SERPINF1: variants seen among roughly 807,000 people sequenced by gnomAD.
The protein encoded by SERPINF1 is pigment epithelium-derived factor.
Under a neutral mutation model 37.3 loss-of-function variants are expected in SERPINF1, and 29 were observed. The observed-to-expected ratio is 0.78, with a 90% CI of 0.58 to 1.06. The LOEUF (loss-of-function observed/expected upper bound fraction) is 1.06, where lower values mean the gene tolerates loss of function less well. SERPINF1 is among the 50% of genes least tolerant of loss of function. The pLI is 0.00. For missense variants in SERPINF1, 553 were observed against 532.2 expected, an observed-to-expected ratio of 1.04 and a Z score of -0.38; for synonymous variants, 281 against 227.9, an observed-to-expected ratio of 1.23 and a Z score of -2.10.
rs1039835757 is a variant in SERPINF1, at chr17:1,766,981, G to A, written c.71G>A (p.Ser24Asn). 3.9e-6 allele frequency: 6 copies of A among 1,555,374 alleles called. No homozygotes were observed. The Admixed American group carries it at 9.7e-5, about 25-fold the overall frequency. Residue 24 changes from serine to asparagine, a missense_variant, in exon 2 of 8, where the codon AGC (serine) becomes AAC (asparagine). Transcript: ENST00000254722. ...LGHSSCQNPASPPEEGSPDPD... is the reference protein window; with the variant it reads ...LGHSSCQNPANPPEEGSPDPD... ...CACAGCAGCTGCCAGAACCCTGCCA[G>A]CCCCCCGGAGGAGGTCAGTAGGCAG...
chr17:1,770,190 C>A (rs1907642483), intron 3 of SERPINF1, 140 bp downstream of exon 3: 2 of 918,008 alleles, frequency 2.2e-6, no homozygotes, highest in East Asian at 2.6e-5. Context: ...GGGGTCCCAG[C>A]TGTGTAAGCA....
chr17:1,768,158 G>A (rs1242665579), intron 2 of SERPINF1, among the ~76,000 whole-genome samples: 9 of 130,250 alleles, frequency 6.9e-5, no homozygotes, highest in Non-Finnish European at 3.1e-5. Flanking sequence ...GGGGCCGGGC[G>A]CGGTGGCTCA....
intron 7 of SERPINF1, 94 bp from the exon 8 acceptor site, chr17:1,777,093 T>C (rs1908083673): frequency 6.3e-7 from 1 of 1,595,554 alleles, no homozygotes; most frequent in Non-Finnish European, 8.6e-7. Context: ...AAGTCAACAG[T>C]GCTGCGCCAT....
At chr17:1,764,459 C>T (rs1015283188) in intron 1 of SERPINF1, among the ~76,000 whole-genome samples, 5 of 152,200 alleles carry the variant, frequency 3.3e-5, no homozygotes, top group African/African-American at 4.8e-5. Flanking sequence ...GTTGTCTACA[C>T]GAAAGTTTTC....
Position 1,767,001 on chromosome 17 carries a change from A to T in SERPINF1, c.84+7A>T. 1 of 1,551,022 alleles carries T rather than the reference A, an allele frequency of 6.4e-7. No individual in the cohort carries two copies. Among genetic ancestry groups the T allele is most frequent in the Non-Finnish European group, 8.7e-7 (1 of 1,146,844 alleles). On this transcript the variant is annotated splice_region_variant and intron_variant, in intron 2 of 7. Coordinates refer to ENST00000254722, the MANE Select transcript of SERPINF1 (RefSeq NM_002615.7). ...TGCCAGCCCCCCGGAGGAGGTCAGT[A>T]GGCAGGCGGGGAGGGCGTGGTCAGC...
chr17:1,777,149 G>A, intron 7 of SERPINF1, 38 bp from the exon 8 acceptor site: 1 of 1,613,992 alleles, frequency 6.2e-7, no homozygotes, highest in Non-Finnish European at 8.5e-7. Flanking sequence ...TGTTGGGGAA[G>A]GCAGGGTTTT....
intron 3 of SERPINF1, chr17:1,770,405 A>G (rs1334558035): frequency 2.5e-6 from 1 of 397,536 alleles, no homozygotes; most frequent in African/African-American, 2.0e-5. Flanking sequence ...CACCGAGGAC[A>G]CAGCTGGGTT....
At chr17:1,766,811 C>T (rs1440649484) in intron 1 of SERPINF1, 92 bp from the exon 2 acceptor site, 6 of 1,288,614 alleles carry the variant, frequency 4.7e-6, no homozygotes, top group Non-Finnish European at 6.6e-6. Context: ...CCCTGCCCAA[C>T]CCCTGGGTCC....
chr17:1,776,454 G>A (rs1277784585), intron 6 of SERPINF1, 78 bp from the exon 7 acceptor site: 8 of 1,329,516 alleles, frequency 6.0e-6, no homozygotes, highest in African/African-American at 5.8e-5. Context: ...ACGGGAGAGG[G>A]AAGGCAGCTC....
intron 6 of SERPINF1, 63 bp downstream of exon 6, chr17:1,775,263 G>A: frequency 1.3e-6 from 2 of 1,536,350 alleles, no homozygotes; most frequent in Non-Finnish European, 8.9e-7. Flanking sequence ...AGCAAAACAG[G>A]GTAGTGGGAA....
At position 1,769,667 on chromosome 17, in the gene SERPINF1, C is replaced by T. The variant is rs1380333026; in HGVS notation, c.85-185C>T. On this transcript the variant is annotated intron_variant, in intron 2 of 7. Coordinates refer to ENST00000254722, the MANE Select transcript of SERPINF1 (RefSeq NM_002615.7). ...TGATCTCTCTTCTGCGCTGTCTCTCCACAGAGAGCTCATGCGTGATCAGGG... is the reference window on the plus strand; with the variant it reads ...TGATCTCTCTTCTGCGCTGTCTCTCTACAGAGAGCTCATGCGTGATCAGGG... The T allele has an allele frequency of 6.0e-6, 4 of 667,458 alleles. No individual in the cohort carries two copies. In the African/African-American group the frequency reaches 7.2e-5, roughly 12 times the overall value. The allele number at this position is 667,458 out of a possible 1,614,324, so 41.3% of individuals were successfully genotyped here. A position where few individuals can be genotyped will look rare whatever the true frequency, so the allele number is the denominator to read the frequency against.
At chr17:1,764,684 C>A (rs1907264905) in intron 1 of SERPINF1, among the ~76,000 whole-genome samples, 1 of 152,194 alleles carries the variant, frequency 6.6e-6, no homozygotes, top group Non-Finnish European at 1.5e-5. Flanking sequence ...AACAATCACA[C>A]AACGTCCTCC....
intron 2 of SERPINF1, 35 bp from the exon 3 acceptor site, chr17:1,769,817 T>C (rs1029790280): frequency 6.2e-7 from 1 of 1,612,426 alleles, no homozygotes; most frequent in African/African-American, 1.3e-5. Flanking sequence ...TGCGAGTCCC[T>C]GAACTCAAAC....
chr17:1,772,905 C>T (rs186023292), intron 5 of SERPINF1, among the ~76,000 whole-genome samples: 7 of 152,284 alleles, frequency 4.6e-5, no homozygotes, highest in Admixed American at 1.3e-4. Flanking sequence ...AGGCTGGTCT[C>T]GAACTCCTGA....
At chr17:1,776,359 G>A in intron 6 of SERPINF1, 173 bp from the exon 7 acceptor site, 1 of 675,656 alleles carries the variant, frequency 1.5e-6, no homozygotes. Context: ...CTCAGGAGAT[G>A]GCTCACTGCC....
At position 1,771,858 on chromosome 17, in the gene SERPINF1, C is replaced by A. The variant is rs1446825072; in HGVS notation, c.440-14C>A. On this transcript the variant is annotated splice_polypyrimidine_tract_variant and intron_variant, in intron 4 of 7. Transcript: ENST00000254722. The stretch of plus-strand genomic sequence containing the variant: ...CGAGTCTCATACGCTAACCTCTGCT[C>A]CGCCTCTTCTCAGAGCTGCGCATAA... 4.4e-6 allele frequency: 7 copies of A among 1,609,102 alleles called. No individual in the cohort carries two copies. Among genetic ancestry groups the A allele is most frequent in the Non-Finnish European group, 5.1e-6 (6 of 1,179,488 alleles).
At position 1,777,266 on chromosome 17, in the gene SERPINF1, G is replaced by A. The variant is rs748895335; in HGVS notation, c.1077G>A (p.Arg359=). ...TCAAGCTGACTCAGGTGGAACACCG[G>A]GCTGGCTTTGAGTGGAACGAGGATG... ...KPIKLTQVEH[R]AGFEWNEDGA... is the part of the protein sequence containing the mutation. Residue 359 remains arginine (R), a synonymous_variant, in exon 8 of 8, where the codon CGG becomes CGA. Coordinates refer to ENST00000254722, the MANE Select transcript of SERPINF1 (RefSeq NM_002615.7). The A allele has an allele frequency of 5.0e-6, 8 of 1,613,994 alleles. No individual in the cohort carries two copies. Among genetic ancestry groups the A allele is most frequent in the African/African-American group, 1.3e-5 (1 of 74,896 alleles).
At chr17:1,770,744 G>C (rs548308877) in intron 3 of SERPINF1, 2 of 394,856 alleles carry the variant, frequency 5.1e-6, no homozygotes, top group South Asian at 4.3e-5. Flanking sequence ...ACAGGCGTGA[G>C]CCACCGCGCC....
At chr17:1,775,267 G>A (rs1384022289) in intron 6 of SERPINF1, 67 bp downstream of exon 6, 1 of 1,527,924 alleles carries the variant, frequency 6.5e-7, no homozygotes, top group Non-Finnish European at 8.9e-7. Context: ...AAACAGGGTA[G>A]TGGGAATAAA....
Sources: allele counts gnomAD v4.1 joint callset (sites outside exome capture counted in the v4.1 genomes callset), GRCh38; gene constraint gnomAD v4.1.1; transcripts MANE v1.5; gene names NCBI Gene and HGNC (gene_info 2026-07-23, HGNC 2026-07-21).